STK32B: variants seen among roughly 807,000 people sequenced by gnomAD.
STK32B encodes serine/threonine kinase 32B.
STK32B carries 43 observed loss-of-function variants against 52.6 expected under a neutral mutation model. The ratio of observed to expected loss-of-function variants is 0.82; its 90% CI spans 0.64 to 1.05. The LOEUF is 1.05. Ranked by LOEUF, STK32B falls within the 50% of genes least tolerant of loss-of-function variation. The probability of loss-of-function intolerance (pLI) is 0.00; values close to 1 mark genes in which losing one functional copy is unlikely to be tolerated. For missense variants in STK32B, 621 were observed against 534.6 expected, an observed-to-expected ratio of 1.16 and a Z score of -1.59; for synonymous variants, 238 against 204.3, an observed-to-expected ratio of 1.17 and a Z score of -1.41.
At chr4:5,221,367 G>T (rs1011891929) in intron 3 of STK32B, among the ~76,000 whole-genome samples, 1 of 152,116 alleles carries the variant, frequency 6.6e-6, no homozygotes, top group Admixed American at 6.5e-5. Context: ...GGAGTTGGTG[G>T]CCAAATTCCT....
At chr4:5,376,142 CT>C (rs1735571177) in intron 4 of STK32B, among the ~76,000 whole-genome samples, 3 of 152,312 alleles carry the variant, frequency 2.0e-5, no homozygotes, top group African/African-American at 7.2e-5. Flanking sequence ...CTCTGCTTTG[CT>C]GGCATCCCCT....
chr4:5,048,107 G>C (rs1741652626), upstream of STK32B, among the ~76,000 whole-genome samples: 1 of 151,762 alleles, frequency 6.6e-6, no homozygotes, highest in Non-Finnish European at 1.5e-5. Flanking sequence ...AGAATGGTGA[G>C]GGAATAATTT....
At chr4:5,481,123 T>G (rs552669939) in intron 11 of STK32B, among the ~76,000 whole-genome samples, 64 of 152,256 alleles carry the variant, frequency 4.2e-4, no homozygotes, top group South Asian at 2.5e-3. Flanking sequence ...GGGTCAAATG[T>G]TATTTCTAGT....
intron 6 of STK32B, among the ~76,000 whole-genome samples, chr4:5,445,493 T>C (rs1715316497): frequency 6.6e-6 from 1 of 152,012 alleles, no homozygotes; most frequent in Non-Finnish European, 1.5e-5. Context: ...GACCCTACAA[T>C]GCACTCCGGG....
chr4:5,075,800 A>G (rs946660479), intron 1 of STK32B, among the ~76,000 whole-genome samples: 1 of 152,088 alleles, frequency 6.6e-6, no homozygotes, highest in African/African-American at 2.4e-5. Context: ...CCACTTAACA[A>G]TGTCATATAA....
chr4:5,071,186 G>A (rs569542167), intron 1 of STK32B, among the ~76,000 whole-genome samples: 1 of 152,114 alleles, frequency 6.6e-6, no homozygotes, highest in Non-Finnish European at 1.5e-5. Flanking sequence ...CAGTGATCAC[G>A]CTAGGTGCAG....
intron 2 of STK32B, among the ~76,000 whole-genome samples, chr4:5,165,085 G>A (rs1019404286): frequency 1.3e-5 from 2 of 152,114 alleles, no homozygotes; most frequent in Non-Finnish European, 2.9e-5. Flanking sequence ...CTGAGAAACA[G>A]AATTTTTCTG....
chr4:5,199,450 C>A lies in STK32B; in HGVS notation c.260+31000C>A, dbSNP rs114890257. Among the ~76,000 whole-genome samples the A allele has an allele frequency of 7.0e-3, 1,058 of 151,354 alleles. 12 individuals are homozygous for A. Among genetic ancestry groups the A allele is most frequent in the African/African-American group, 0.024 (976 of 41,282 alleles). ...TGCCTTATGTGGCTTTGAACTGTTGCCTTCAATCTTGCTTACATTATAAAT... is the reference window on the plus strand; with the variant it reads ...TGCCTTATGTGGCTTTGAACTGTTGACTTCAATCTTGCTTACATTATAAAT... On this transcript the variant is annotated intron_variant, in intron 3 of 11. Coordinates refer to ENST00000282908, the MANE Select transcript of STK32B (RefSeq NM_018401.3).
At chr4:5,407,488 A>T (rs2109058416) in intron 5 of STK32B, among the ~76,000 whole-genome samples, 1 of 152,304 alleles carries the variant, frequency 6.6e-6, no homozygotes, top group South Asian at 2.1e-4. Context: ...ACACTGCTAT[A>T]AAGAACTACC....
chr4:5,242,740 G>A (rs1161031096), intron 3 of STK32B, among the ~76,000 whole-genome samples: 1 of 152,086 alleles, frequency 6.6e-6, no homozygotes, highest in Non-Finnish European at 1.5e-5. Flanking sequence ...AATCCATCTT[G>A]CATTAATTTT....
intron 3 of STK32B, among the ~76,000 whole-genome samples, chr4:5,200,086 A>G (rs1413048801): frequency 2.6e-5 from 4 of 152,128 alleles, no homozygotes; most frequent in Non-Finnish European, 4.4e-5. Flanking sequence ...CAGGCCTCAG[A>G]CAATCTGTTA....
chr4:5,156,644 G>A (rs1577116404), intron 2 of STK32B, among the ~76,000 whole-genome samples: 1 of 152,226 alleles, frequency 6.6e-6, no homozygotes, highest in South Asian at 2.1e-4. Flanking sequence ...AGCTTCGAAA[G>A]TGTCTTCTTG....
Position 5,396,690 on chromosome 4 carries a change from G to A in STK32B, c.435-1517G>A, listed in dbSNP as rs909990341. Reference sequence around the variant, plus strand: ...CCACACATTAAATCATCTCAGTCCCGGTGATACCTTAAGAGATAAGCTTGA... The same window carrying A: ...CCACACATTAAATCATCTCAGTCCCAGTGATACCTTAAGAGATAAGCTTGA... On this transcript the variant is annotated intron_variant, in intron 4 of 11. Coordinates refer to ENST00000282908, the MANE Select transcript of STK32B (RefSeq NM_018401.3). This position sits in a 1 kb window ranked among gnomAD's most constrained non-coding sequence, Gnocchi z 4.7. Among the ~76,000 whole-genome samples the A allele has an allele frequency of 1.3e-5, 2 of 152,068 alleles. No individual in the cohort carries two copies. Among genetic ancestry groups the A allele is most frequent in the African/African-American group, 2.4e-5 (1 of 41,406 alleles).
intron 1 of STK32B, among the ~76,000 whole-genome samples, chr4:5,126,057 T>C (rs112919189): frequency 1.8e-4 from 28 of 152,318 alleles, no homozygotes; most frequent in African/African-American, 6.5e-4. Flanking sequence ...CAAAAGCCAG[T>C]TGGGCACATC....
intron 3 of STK32B, among the ~76,000 whole-genome samples, chr4:5,270,499 C>T (rs1302945381): frequency 6.6e-6 from 1 of 152,112 alleles, no homozygotes; most frequent in Admixed American, 6.6e-5. Flanking sequence ...GTAACACCCT[C>T]ACAGACACAC....
At chr4:5,138,182 T>C (rs1484977928) in intron 1 of STK32B, among the ~76,000 whole-genome samples, 1 of 152,238 alleles carries the variant, frequency 6.6e-6, no homozygotes, top group Non-Finnish European at 1.5e-5. Flanking sequence ...ACCAAGGTTT[T>C]AGTAAGTTAA....
rs184034218 is a variant in STK32B, at chr4:5,467,380, G to T, written c.1041+546G>T. Among the ~76,000 whole-genome samples, 1 of 152,080 alleles carries T rather than the reference G, an allele frequency of 6.6e-6. No individual in the cohort carries two copies. Among genetic ancestry groups the T allele is most frequent in the African/African-American group, 2.4e-5 (1 of 41,430 alleles). On this transcript the variant is annotated intron_variant, in intron 10 of 11. Transcript: ENST00000282908. The surrounding 1 kb of genome is among the most constrained non-coding windows in gnomAD (Gnocchi z 5.8). ...GTGGCGGCCGGCCCCCTTGTCCTTC[G>T]CTGGCTCGCAGCTGCATGGTTCCAG...
At chr4:5,276,135 A>C (rs1727805834) in intron 3 of STK32B, among the ~76,000 whole-genome samples, 1 of 151,970 alleles carries the variant, frequency 6.6e-6, no homozygotes, top group South Asian at 2.1e-4. Context: ...CTAAAAACAC[A>C]AAAATTAGTC....
rs1161918285 is a variant in STK32B at position 5,469,487 on chromosome 4, A to G, written c.1106+1417A>G. The stretch of plus-strand genomic sequence containing the variant: ...AAAGTGCACAGAGAAGGAAGACAGC[A>G]TGGCTGCCGCAGGGCCTAGAGAGTG... On this transcript the variant is annotated intron_variant, in intron 11 of 11. Transcript: ENST00000282908. This position sits in a 1 kb window ranked among gnomAD's most constrained non-coding sequence, Gnocchi z 4.7. Among the ~76,000 whole-genome samples, 1 of 152,178 alleles carries G rather than the reference A, an allele frequency of 6.6e-6. No individual in the cohort carries two copies. Among genetic ancestry groups the G allele is most frequent in the Non-Finnish European group, 1.5e-5 (1 of 68,022 alleles).
Sources: allele counts gnomAD v4.1 joint callset (sites outside exome capture counted in the v4.1 genomes callset), GRCh38; gene constraint gnomAD v4.1.1; non-coding constraint Gnocchi (gnomAD v3.1); transcripts MANE v1.5; gene names NCBI Gene and HGNC (gene_info 2026-07-23, HGNC 2026-07-21).